SLC12A5: variants seen among roughly 807,000 people sequenced by gnomAD.
The protein encoded by SLC12A5 is solute carrier family 12 member 5, also known as K-Cl cotransporter 2.
A neutral mutation model predicts 124.0 loss-of-function variants in SLC12A5; 18 were observed. The ratio of observed to expected loss-of-function variants is 0.15; its 90% CI spans 0.10 to 0.22. The LOEUF is 0.22. SLC12A5 is among the 10% of genes least tolerant of loss of function. SLC12A5 has a pLI of 1.00. For synonymous variants in SLC12A5, 589 were observed against 568.0 expected, an observed-to-expected ratio of 1.04 and a Z score of -0.53; for missense variants, 867 against 1,478.7, an observed-to-expected ratio of 0.59 and a Z score of 6.78.
At position 46,051,778 on chromosome 20, in the gene SLC12A5, G is replaced by C; in HGVS notation, c.2285G>C (p.Gly762Ala). ...DGVSHLIQSG[G>A]LGGLQHNTVL... Reference sequence around the variant, plus strand: ...GTGTCCCATCTGATCCAGTCCGGGGGCCTCGGGGGGCTGCAGCACAACACT... The same window carrying C: ...GTGTCCCATCTGATCCAGTCCGGGGCCCTCGGGGGGCTGCAGCACAACACT... Residue 762 changes from glycine to alanine, a missense_variant, in exon 18 of 26, where the codon GGC becomes GCC. Coordinates refer to ENST00000243964, the MANE Select transcript of SLC12A5 (RefSeq NM_020708.5). The C allele has an allele frequency of 1.2e-6, 2 of 1,609,080 alleles. No individual in the cohort carries two copies. The highest frequency in any genetic ancestry group is 1.7e-6 in the Non-Finnish European group (2 of 1,177,950).
chr20:46,029,917 C>CGTGT lies in SLC12A5; in HGVS notation c.52+542_52+545dup, dbSNP rs34618340. 1.6e-3 allele frequency among the ~76,000 whole-genome samples: 228 copies of CGTGT among 143,776 alleles called. 1 individual carries two copies. The highest frequency in any genetic ancestry group is 5.6e-3 in the African/African-American group (213 of 38,042). 94.3% of individuals were successfully genotyped at this position (143,776 alleles called of 152,430 possible). ...GCGCGCGTGCGTATGTGTGTGTGTGCGTGTGTGTGTGTGTGTGTGTGTGTA... is the reference window on the plus strand; with the variant it reads ...GCGCGCGTGCGTATGTGTGTGTGTGCGTGTGTGTGTGTGTGTGTGTGTGTGTGTA... On this transcript the variant is annotated intron_variant, in intron 1 of 25. Coordinates refer to ENST00000243964, the MANE Select transcript of SLC12A5 (RefSeq NM_020708.5).
At chr20:46,029,135 C>T (rs2084422276), upstream of SLC12A5, 2 of 1,392,098 alleles carry the variant, frequency 1.4e-6, no homozygotes, top group Non-Finnish European at 1.9e-6. Flanking sequence ...ATGAGGTGAG[C>T]AGCGCCGCTG....
chr20:46,048,552 T>G (rs1261753258), intron 16 of SLC12A5, among the ~76,000 whole-genome samples: 1 of 152,124 alleles, frequency 6.6e-6, no homozygotes, highest in Non-Finnish European at 1.5e-5. Flanking sequence ...TCTAGATTAA[T>G]GACAATTCAT....
Position 46,029,331 on chromosome 20 carries a change from G to C in SLC12A5, c.-14G>C. 1.9e-6 allele frequency: 3 copies of C among 1,542,984 alleles called. No individual in the cohort carries two copies. The highest frequency in any genetic ancestry group is 2.6e-6 in the Non-Finnish European group (3 of 1,143,502). On this transcript the variant is annotated 5_prime_UTR_variant, in exon 1 of 26. Coordinates refer to ENST00000243964, the MANE Select transcript of SLC12A5 (RefSeq NM_020708.5). ...CGGCGCAGCCATCCCCGGACCAGGG[G>C]CCGCGCCGCCACCATGCTAAACAAC...
chr20:46,035,329 T>C, intron 2 of SLC12A5, 75 bp from the exon 3 acceptor site: 2 of 1,548,234 alleles, frequency 1.3e-6, no homozygotes, highest in Non-Finnish European at 8.7e-7. Context: ...TCCCCATCTC[T>C]TCCTCTGCCC....
chr20:46,050,451 T>C (rs2084637297), intron 17 of SLC12A5, among the ~76,000 whole-genome samples: 1 of 152,176 alleles, frequency 6.6e-6, no homozygotes, highest in South Asian at 2.1e-4. Context: ...CCAAGGGTAG[T>C]AGAGGAAGTA....
intron 6 of SLC12A5, among the ~76,000 whole-genome samples, chr20:46,037,593 G>T (rs533696403): frequency 6.6e-6 from 1 of 152,146 alleles, no homozygotes; most frequent in Non-Finnish European, 1.5e-5. Flanking sequence ...CACAGCTGTC[G>T]TTTATCAGGC....
rs367960887 is a variant in SLC12A5, at chr20:46,056,537, G to A, written c.3083G>A (p.Gly1028Asp). ...NKGPSPVSSE[G>D]IKDFFSMKPE... ...GGCCCCAGTCCTGTCTCCTCTGAGG[G>A]CATCAAGGACTTCTTCAGCATGAAG... The change falls in exon 23 of 26, where the codon GGC becomes GAC. Residue 1028 changes from glycine to aspartate, a missense_variant. Transcript: ENST00000243964. The surrounding 1 kb of genome is among the most constrained non-coding windows in gnomAD (Gnocchi z 4.3). The A allele has an allele frequency of 4.0e-5, 64 of 1,613,974 alleles. No homozygotes were observed. The highest frequency in any genetic ancestry group is 5.1e-5 in the Non-Finnish European group (60 of 1,179,966).
At chr20:46,036,931 C>G (rs1216331530) in intron 5 of SLC12A5, 136 bp downstream of exon 5, 2 of 1,178,656 alleles carry the variant, frequency 1.7e-6, no homozygotes, top group Non-Finnish European at 2.4e-6. Flanking sequence ...TGTTTTCAGC[C>G]CTATTGGGGG....
chr20:46,056,934 AT>A lies in SLC12A5; in HGVS notation c.3125+25del, dbSNP rs762958094. ...CTTGTAAGTGCTTCAGCATTTTTTCATTCTCTCTCCTAGGATGGCCAGGGTC... is the reference window on the plus strand; with the variant it reads ...CTTGTAAGTGCTTCAGCATTTTTTCATCTCTCTCCTAGGATGGCCAGGGTC... On this transcript the variant is annotated intron_variant, in intron 24 of 25. Coordinates refer to ENST00000243964, the MANE Select transcript of SLC12A5 (RefSeq NM_020708.5). The surrounding 1 kb of genome is among the most constrained non-coding windows in gnomAD (Gnocchi z 4.3). The A allele has an allele frequency of 6.2e-7, 1 of 1,613,602 alleles. No individual in the cohort carries two copies. The highest frequency in any genetic ancestry group is 1.3e-5 in the African/African-American group (1 of 74,858).
intron 17 of SLC12A5, 103 bp from the exon 18 acceptor site, chr20:46,051,572 T>G (rs955971582): frequency 6.1e-5 from 67 of 1,091,380 alleles, no homozygotes; most frequent in Non-Finnish European, 8.1e-5. Context: ...TCAGGAAGAT[T>G]GGGATGAAAG....
At chr20:46,034,258 G>A (rs551674955) in intron 1 of SLC12A5, among the ~76,000 whole-genome samples, 15 of 152,112 alleles carry the variant, frequency 9.9e-5, no homozygotes, top group African/African-American at 1.7e-4. Context: ...CAGCGGACAC[G>A]TCACTTCCTC....
chr20:46,029,435 G>A (rs1346860518), intron 1 of SLC12A5, 39 bp downstream of exon 1: 3 of 1,541,726 alleles, frequency 1.9e-6, no homozygotes, highest in Admixed American at 2.0e-5. Context: ...AGGGGGCAGC[G>A]AGGAGAGGAG....
chr20:46,021,886 G>T (rs1397360375), exon 1 of SLC12A5: 1 of 1,524,866 alleles, frequency 6.6e-7, no homozygotes, highest in Non-Finnish European at 8.8e-7. Context: ...AGACGTCAAA[G>T]GTAGAGGCCG....
chr20:46,040,611 T>G lies in SLC12A5; in HGVS notation c.851T>G (p.Phe284Cys), dbSNP rs1213597825. 2 of 1,613,954 alleles carry G rather than the reference T, an allele frequency of 1.2e-6. No homozygotes were observed. The highest frequency in any genetic ancestry group is 1.7e-6 in the Non-Finnish European group (2 of 1,179,908). The change falls in exon 7 of 26, where the codon TTC becomes TGC. Residue 284 changes from phenylalanine (F) to cysteine (C), a missense_variant. Coordinates refer to ENST00000243964, the MANE Select transcript of SLC12A5 (RefSeq NM_020708.5). ...AAGTCTGCCTTCGACCCACCCAACT[T>G]CCCGTGAGTGCTGCTGCTCTGAGCC... The part of the protein sequence containing the change: ...VIKSAFDPPN[F>C]PICLLGNRTL...
chr20:46,042,937 A>G (rs1472327622), intron 8 of SLC12A5, among the ~76,000 whole-genome samples: 1 of 152,102 alleles, frequency 6.6e-6, no homozygotes, highest in Non-Finnish European at 1.5e-5. Flanking sequence ...GTTTGATGGT[A>G]GTGACTGGGT....
At chr20:46,033,997 G>A (rs2145480555) in intron 1 of SLC12A5, among the ~76,000 whole-genome samples, 1 of 152,120 alleles carries the variant, frequency 6.6e-6, no homozygotes, top group East Asian at 1.9e-4. Context: ...TTGCCCTCTG[G>A]ATGAGGTCCA....
intron 18 of SLC12A5, 90 bp downstream of exon 18, chr20:46,051,960 G>A (rs2084650867): frequency 8.5e-7 from 1 of 1,172,208 alleles, no homozygotes; most frequent in Non-Finnish European, 1.2e-6. Context: ...TGGGCCTGAG[G>A]GGTTTCCCAA....
chr20:46,022,942 G>A (rs2084366947), exon 2 of SLC12A5: 1 of 392,136 alleles, frequency 2.6e-6, no homozygotes, highest in Non-Finnish European at 4.3e-6. Context: ...GCCCCAGCGA[G>A]GGGAGGAGGA....
Sources: gnomAD v4.1 joint callset for allele counts (sites outside exome capture counted in the v4.1 genomes callset) on GRCh38, gnomAD v4.1.1 for gene constraint, Gnocchi (gnomAD v3.1) non-coding constraint, MANE v1.5 for transcripts, NCBI Gene and HGNC (gene_info 2026-07-23, HGNC 2026-07-21) for gene names.